The following MACROD2 variants were observed in gnomAD, a reference collection of about 807,000 sequenced individuals.
MACROD2 encodes mono-ADP ribosylhydrolase 2.
MACROD2 carries 36 observed loss-of-function variants against 70.4 expected under a neutral mutation model. The ratio of observed to expected loss-of-function variants is 0.51; its 90% CI spans 0.39 to 0.68. MACROD2 has a LOEUF of 0.68. Ranked by LOEUF, MACROD2 falls within the 30% of genes least tolerant of loss-of-function variation. The probability of loss-of-function intolerance (pLI) is 0.00; values close to 1 mark genes in which losing one functional copy is unlikely to be tolerated. For missense variants in MACROD2, 496 were observed against 538.4 expected (o/e 0.92, Z 0.78); for synonymous variants, 172 against 178.8 (o/e 0.96, Z 0.30).
At position 15,353,781 on chromosome 20, in the gene MACROD2, A is replaced by T; in HGVS notation, c.541-77624A>T. Among the ~76,000 whole-genome samples, 2 of 91,222 alleles carry T rather than the reference A, an allele frequency of 2.2e-5. 1 individual carries two copies. Among genetic ancestry groups the T allele is most frequent in the Non-Finnish European group, 4.6e-5 (2 of 43,210 alleles). The allele number at this position is 91,222 out of a possible 152,430, so 59.8% of individuals were successfully genotyped here. A position where few individuals can be genotyped will look rare whatever the true frequency, so the allele number is the denominator to read the frequency against. ...TCATCACTGGCCATCAGAGAAATGCAAATCAAAACCACAATGAGATATCAT... is the reference window on the plus strand; with the variant it reads ...TCATCACTGGCCATCAGAGAAATGCTAATCAAAACCACAATGAGATATCAT... On this transcript the variant is annotated intron_variant, in intron 6 of 17. Coordinates refer to ENST00000684519, the MANE Select transcript of MACROD2 (RefSeq NM_001351661.2).
At chr20:15,961,177 A>C (rs1008165093) in intron 12 of MACROD2, among the ~76,000 whole-genome samples, 1 of 152,172 alleles carries the variant, frequency 6.6e-6, no homozygotes, top group Non-Finnish European at 1.5e-5. Flanking sequence ...AGAAAAAAAC[A>C]GAAAAAGTAA....
chr20:14,303,156 C>G (rs2082490715), intron 3 of MACROD2, among the ~76,000 whole-genome samples: 1 of 152,038 alleles, frequency 6.6e-6, no homozygotes, highest in South Asian at 2.1e-4. Flanking sequence ...TCACAGAGAA[C>G]TTATCTTTTC....
chr20:14,615,301 C>G (rs540505981), intron 4 of MACROD2, among the ~76,000 whole-genome samples: 4 of 152,168 alleles, frequency 2.6e-5, no homozygotes, highest in South Asian at 4.2e-4. Flanking sequence ...AGTTCTTCCC[C>G]GGATAGGGGA....
intron 3 of MACROD2, among the ~76,000 whole-genome samples, chr20:14,235,524 C>T (rs1267657711): frequency 1.3e-5 from 2 of 152,104 alleles, no homozygotes; most frequent in East Asian, 3.9e-4. Context: ...ACTAACATGA[C>T]TCATTTTTTG....
intron 3 of MACROD2, among the ~76,000 whole-genome samples, chr20:14,348,384 G>A (rs2083086333): frequency 6.6e-6 from 1 of 151,998 alleles, no homozygotes; most frequent in Non-Finnish European, 1.5e-5. Flanking sequence ...ATTTGTATCA[G>A]AATGTACATG....
intron 5 of MACROD2, among the ~76,000 whole-genome samples, chr20:14,939,286 G>T (rs2074370391): frequency 6.6e-6 from 1 of 151,516 alleles, no homozygotes; most frequent in South Asian, 2.1e-4. Flanking sequence ...GAGAGATAGG[G>T]ATCTAGTTTC....
chr20:14,407,130 A>AG (rs397745904), intron 3 of MACROD2, among the ~76,000 whole-genome samples: 1 of 150,332 alleles, frequency 6.7e-6, no homozygotes, highest in Admixed American at 6.6e-5. Context: ...GAAAAAAAAA[A>AG]CATGGTAAGA....
At chr20:15,276,758 A>G (rs1432976936) in intron 6 of MACROD2, among the ~76,000 whole-genome samples, 2 of 152,244 alleles carry the variant, frequency 1.3e-5, no homozygotes, top group Non-Finnish European at 1.5e-5. Flanking sequence ...AGATGAGAAT[A>G]GAGGGAGAAA....
chr20:15,450,702 G>A (rs1364478595), intron 7 of MACROD2, among the ~76,000 whole-genome samples: 1 of 152,100 alleles, frequency 6.6e-6, no homozygotes, highest in Non-Finnish European at 1.5e-5. Flanking sequence ...TTGCAAAATA[G>A]TGACAATGAG....
chr20:15,683,581 T>C (rs2050189186), intron 8 of MACROD2, among the ~76,000 whole-genome samples: 1 of 152,106 alleles, frequency 6.6e-6, no homozygotes, highest in Non-Finnish European at 1.5e-5. Flanking sequence ...GTTGTTTTTT[T>C]GTTTGTTTGT....
intron 3 of MACROD2, among the ~76,000 whole-genome samples, chr20:14,216,839 G>T (rs1206526703): frequency 6.6e-6 from 1 of 151,992 alleles, no homozygotes; most frequent in Non-Finnish European, 1.5e-5. Context: ...AAGAGCTACT[G>T]ATTTGTGTAC....
intron 8 of MACROD2, among the ~76,000 whole-genome samples, chr20:15,671,911 G>A (rs772953106): frequency 9.9e-5 from 15 of 152,116 alleles, no homozygotes; most frequent in African/African-American, 2.9e-4. Context: ...TTGTCCTGGC[G>A]TGCCTTATCA....
chr20:15,160,929 G>C (rs1481053315), intron 5 of MACROD2, among the ~76,000 whole-genome samples: 3 of 152,016 alleles, frequency 2.0e-5, no homozygotes, highest in Admixed American at 6.6e-5. Context: ...TTTTACTAGA[G>C]AGATAGAAGT....
intron 4 of MACROD2, among the ~76,000 whole-genome samples, chr20:14,551,249 G>A (rs1415018570): frequency 6.6e-6 from 1 of 152,152 alleles, no homozygotes; most frequent in Non-Finnish European, 1.5e-5. Context: ...CCTTAATGCA[G>A]TGCATAGTTG....
In MACROD2 at chr20:15,298,401, G is replaced by A. The variant is rs111964175; in HGVS notation, c.540+68340G>A. 2.6e-3 allele frequency among the ~76,000 whole-genome samples: 394 copies of A among 152,318 alleles called. 2 individuals are homozygous for A. Among genetic ancestry groups the A allele is most frequent in the African/African-American group, 9.0e-3 (375 of 41,586 alleles). ...GCTCTGAGCTCTGTGACAGGTACCA[G>A]GAGAAGAAACAGTGGCATGGGGATG... On this transcript the variant is annotated intron_variant, in intron 6 of 17. Coordinates refer to ENST00000684519, the MANE Select transcript of MACROD2 (RefSeq NM_001351661.2).
intron 6 of MACROD2, among the ~76,000 whole-genome samples, chr20:15,331,516 A>C (rs1042695934): frequency 3.3e-5 from 5 of 151,664 alleles, no homozygotes; most frequent in Admixed American, 2.6e-4. Context: ...ATGCCTTGGA[A>C]ATTTTATCTT....
intron 11 of MACROD2, among the ~76,000 whole-genome samples, chr20:15,935,792 T>G (rs1212371182): frequency 6.6e-6 from 1 of 152,092 alleles, no homozygotes; most frequent in Non-Finnish European, 1.5e-5. Context: ...TATATTCTGG[T>G]GGGGGTTCCA....
At chr20:14,981,639 G>A (rs1027743224) in intron 5 of MACROD2, among the ~76,000 whole-genome samples, 1 of 151,922 alleles carries the variant, frequency 6.6e-6, no homozygotes, top group Non-Finnish European at 1.5e-5. Context: ...AGATCTGGTG[G>A]CTTTAAAAAT....
chr20:14,431,854 C>G (rs6135144), intron 3 of MACROD2, among the ~76,000 whole-genome samples: 45,706 of 151,954 alleles, frequency 0.3, 8,011 homozygotes, highest in South Asian at 0.59. Context: ...TCCCATATGC[C>G]AGGCTTGAAG....
Sources: gnomAD v4.1 joint callset for allele counts (sites outside exome capture counted in the v4.1 genomes callset) on GRCh38, gnomAD v4.1.1 for gene constraint, MANE v1.5 for transcripts, NCBI Gene and HGNC (gene_info 2026-07-23, HGNC 2026-07-21) for gene names.